The following SCN9A variants were observed in gnomAD, a reference collection of about 807,000 sequenced individuals.
SCN9A encodes the protein sodium channel protein type 9 subunit alpha.
A neutral mutation model predicts 187.0 loss-of-function variants in SCN9A; 131 were observed. The ratio of observed to expected loss-of-function variants is 0.70; its 90% CI spans 0.61 to 0.81. The LOEUF is 0.81. Among genes scored for constraint, SCN9A ranks in the 30% least tolerant of loss-of-function variants. SCN9A has a pLI of 0.00. For synonymous variants in SCN9A, 809 were observed against 808.6 expected (o/e 1.00, Z -0.01); for missense variants, 2,252 against 2,396.6 (o/e 0.94, Z 1.26).
intron 16 of SCN9A, 29 bp from the exon 17 acceptor site, chr2:166,272,904 G>T: frequency 1.0e-6 from 1 of 953,698 alleles, no homozygotes; most frequent in Non-Finnish European, 1.5e-6. Flanking sequence ...AGGGGGTAGA[G>T]AAATAGGGAG....
Position 166,288,542 on chromosome 2 carries a change from C to G in SCN9A, c.1209G>C (p.Met403Ile). 2.5e-6 allele frequency: 4 copies of G among 1,613,040 alleles called. No homozygotes were observed. The highest frequency in any genetic ancestry group is 3.4e-6 in the Non-Finnish European group (4 of 1,179,288). The change falls in exon 10 of 27, where the codon ATG (methionine) becomes ATC (isoleucine). Residue 403 changes from methionine (M) to isoleucine (I), a missense_variant. Transcript: ENST00000642356. ...TTGCCTGGTTCTGTTCTTCATATGC[C>G]ATGGCAACCACAGCCAGGATCAAGT... ...LINLILAVVA[M>I]AYEEQNQANI...
intron 1 of SCN9A, among the ~76,000 whole-genome samples, chr2:166,338,300 G>A (rs1699678705): frequency 6.6e-6 from 1 of 152,032 alleles, no homozygotes; most frequent in African/African-American, 2.4e-5. Context: ...CATTAAGGGG[G>A]TTCCAAAGAA....
At chr2:166,319,197 T>C (rs1699179065) in intron 1 of SCN9A, among the ~76,000 whole-genome samples, 1 of 152,080 alleles carries the variant, frequency 6.6e-6, no homozygotes, top group African/African-American at 2.4e-5. Flanking sequence ...GCTTTCAGTG[T>C]GATGAGAGAA....
chr2:166,245,843 A>C (rs2106415493), intron 18 of SCN9A, among the ~76,000 whole-genome samples: 1 of 152,172 alleles, frequency 6.6e-6, no homozygotes, highest in South Asian at 2.1e-4. Flanking sequence ...GATAATCATA[A>C]GTTGTATGTT....
In SCN9A at chr2:166,272,463, G is replaced by A; in HGVS notation, c.3287C>T (p.Ser1096Phe). The change falls in exon 17 of 27, where the codon TCC becomes TTC. Residue 1096 changes from serine to phenylalanine, a missense_variant. This residue lies in a region of SCN9A where 313 missense variants were observed against 295.3 expected (regional missense o/e 1.06). Coordinates refer to ENST00000642356, the MANE Select transcript of SCN9A (RefSeq NM_001365536.1). ...TVTVPIAPGE[S>F]DLENMNAEEL... ...CTCAGCATTCATATTTTCCAAATCG[G>A]ATTCCCCAGGTGCAATTGGCACTGT... is the stretch of plus-strand genomic sequence containing the variant. The A allele has an allele frequency of 1.2e-6, 2 of 1,611,772 alleles. No individual in the cohort carries two copies. Among genetic ancestry groups the A allele is most frequent in the Non-Finnish European group, 1.7e-6 (2 of 1,178,810 alleles).
chr2:166,275,031 G>T (rs540350315), intron 16 of SCN9A, among the ~76,000 whole-genome samples: 7 of 152,200 alleles, frequency 4.6e-5, no homozygotes, highest in African/African-American at 9.6e-5. Context: ...TGGGTAATTG[G>T]TTTTGGTCTT....
chr2:166,249,919 T>A (rs560774690), intron 18 of SCN9A, among the ~76,000 whole-genome samples: 2 of 152,012 alleles, frequency 1.3e-5, no homozygotes, highest in African/African-American at 4.8e-5. Flanking sequence ...CAAATTTAAG[T>A]CTATATACTG....
At position 166,286,346 on chromosome 2, in the gene SCN9A, G is replaced by C; in HGVS notation, c.1592C>G (p.Thr531Ser). 6.2e-7 allele frequency: 1 copy of C among 1,608,276 alleles called. No homozygotes were observed. Among genetic ancestry groups the C allele is most frequent in the Non-Finnish European group, 8.5e-7 (1 of 1,178,008 alleles). ...CAATTTGGGTGGTACCTGATTGGGG[G>C]TAGACAACCTCTTTTCATGTGCTCG... is the stretch of plus-strand genomic sequence containing the variant. ...HRRAHEKRLS[T>S]PNQSPLSIRG... Residue 531 changes from threonine (T) to serine (S), a missense_variant, in exon 11 of 27, where the codon ACC (threonine) becomes AGC (serine). Physicochemically the swap from Thr to Ser is moderately conservative, Grantham distance 58. This residue lies in a region of SCN9A where 1,013 missense variants were observed against 997.4 expected (regional missense o/e 1.02). Transcript: ENST00000642356.
chr2:166,267,039 CTTTA>C (rs1696772450), intron 17 of SCN9A, among the ~76,000 whole-genome samples: 1 of 151,686 alleles, frequency 6.6e-6, no homozygotes, highest in Non-Finnish European at 1.5e-5. Context: ...TTTAAATGTC[CTTTA>C]TTTCTTTCTC....
chr2:166,262,782 G>A (rs1425877258), intron 17 of SCN9A, among the ~76,000 whole-genome samples: 2 of 151,928 alleles, frequency 1.3e-5, no homozygotes, highest in African/African-American at 2.4e-5. Flanking sequence ...TCACAAAGAC[G>A]AAAATTATAT....
intron 21 of SCN9A, among the ~76,000 whole-genome samples, chr2:166,229,895 C>T (rs1373284040): frequency 2.0e-5 from 3 of 152,098 alleles, no homozygotes; most frequent in Non-Finnish European, 4.4e-5. Flanking sequence ...TCTTACACTT[C>T]AGCTTGAGCA....
At chr2:166,374,929 A>C (rs1700653077) in intron 1 of SCN9A, among the ~76,000 whole-genome samples, 1 of 152,102 alleles carries the variant, frequency 6.6e-6, no homozygotes, top group South Asian at 2.1e-4. Context: ...AAAAAAAAAA[A>C]ACTAAAATAA....
chr2:166,209,412 T>C (rs1693970512), intron 24 of SCN9A, among the ~76,000 whole-genome samples: 1 of 151,922 alleles, frequency 6.6e-6, no homozygotes, highest in Non-Finnish European at 1.5e-5. Context: ...AGAACAGAGA[T>C]AGACAACTAA....
intron 1 of SCN9A, among the ~76,000 whole-genome samples, chr2:166,353,964 AC>A (rs1700096856): frequency 6.6e-6 from 1 of 152,260 alleles, no homozygotes. Context: ...ACTTCTCCTA[AC>A]CCAAGCACTT....
chr2:166,285,805 A>G (rs1437585107), intron 11 of SCN9A, among the ~76,000 whole-genome samples: 4 of 152,152 alleles, frequency 2.6e-5, no homozygotes, highest in African/African-American at 9.7e-5. Flanking sequence ...CAGTGAAAAG[A>G]GAAAGGGAAA....
At chr2:166,225,111 A>G (rs1278393127) in intron 24 of SCN9A, among the ~76,000 whole-genome samples, 2 of 152,152 alleles carry the variant, frequency 1.3e-5, no homozygotes, top group Non-Finnish European at 2.9e-5. Flanking sequence ...TTAAAACCTC[A>G]TCTTTTACTA....
chr2:166,321,487 C>A (rs566617297), intron 1 of SCN9A: 4 of 149,418 alleles, frequency 2.7e-5, no homozygotes, highest in Non-Finnish European at 5.9e-5. Flanking sequence ...CACACCACTG[C>A]GGTCCAGCTT....
chr2:166,242,728 C>A (rs886147842), intron 18 of SCN9A, 72 bp from the exon 19 acceptor site: 1 of 1,173,684 alleles, frequency 8.5e-7, no homozygotes. Flanking sequence ...TTATTTAATG[C>A]AAACTGCTTT....
At position 166,197,865 on chromosome 2, in the gene SCN9A, T is replaced by A. The variant is rs1693289054; in HGVS notation, c.*807A>T. On this transcript the variant is annotated 3_prime_UTR_variant, in exon 27 of 27. Transcript: ENST00000642356. The stretch of plus-strand genomic sequence containing the variant: ...CTTCTGTCAATAACTTTTTTCTCAG[T>A]TATCTTTGTTTTTTTTGAGGAGTGT... 6.6e-6 allele frequency: 1 copy of A among 151,658 alleles called. No homozygotes were observed. The highest frequency in any genetic ancestry group is 6.6e-5 in the Admixed American group (1 of 15,244). The allele number at this position is 151,658 out of a possible 1,614,324, so 9.4% of individuals were successfully genotyped here. A position where few individuals can be genotyped will look rare whatever the true frequency, so the allele number is the denominator to read the frequency against.
Sources: allele counts gnomAD v4.1 joint callset (sites outside exome capture counted in the v4.1 genomes callset), GRCh38; gene constraint gnomAD v4.1.1; regional missense constraint gnomAD v4.1.1; transcripts MANE v1.5; gene names NCBI Gene and HGNC (gene_info 2026-07-23, HGNC 2026-07-21).